GRIK1: variants seen among roughly 807,000 people sequenced by gnomAD.
GRIK1 encodes the protein glutamate receptor ionotropic, kainate 1.
A neutral mutation model predicts 105.7 loss-of-function variants in GRIK1; 69 were observed. That is an observed-to-expected ratio of 0.65 (90% CI 0.54 to 0.80). The LOEUF (loss-of-function observed/expected upper bound fraction) is 0.80. Ranked by LOEUF, GRIK1 falls within the 30% of genes least tolerant of loss-of-function variation. The pLI, the probability that GRIK1 is intolerant of heterozygous loss-of-function variation, is 0.00. For synonymous variants in GRIK1, 438 were observed against 431.3 expected, an observed-to-expected ratio of 1.02 and a Z score of -0.19; for missense variants, 1,109 against 1,167.3, an observed-to-expected ratio of 0.95 and a Z score of 0.73.
At chr21:29,670,405 TTTTTG>T (rs1234668864) in intron 4 of GRIK1, among the ~76,000 whole-genome samples, 1 of 152,216 alleles carries the variant, frequency 6.6e-6, no homozygotes, top group Non-Finnish European at 1.5e-5. Context: ...TTTGCTTTTG[TTTTTG>T]TTTTAATTGT....
At chr21:29,585,851 C>T (rs2300306) in intron 12 of GRIK1, among the ~76,000 whole-genome samples, 64,623 of 152,032 alleles carry the variant, frequency 0.43, 16,152 homozygotes, top group African/African-American at 0.68. Context: ...AAAGCAATAT[C>T]TTCTTTAATT....
At chr21:29,803,527 CT>C (rs1459813610) in intron 1 of GRIK1, among the ~76,000 whole-genome samples, 1 of 152,066 alleles carries the variant, frequency 6.6e-6, no homozygotes, top group East Asian at 1.9e-4. Context: ...GGGCTCTGAA[CT>C]TCAAAGACAA....
At chr21:29,659,453 A>T (rs1372745091) in intron 4 of GRIK1, among the ~76,000 whole-genome samples, 1 of 152,204 alleles carries the variant, frequency 6.6e-6, no homozygotes, top group Non-Finnish European at 1.5e-5. Context: ...CAAAAGACTT[A>T]AGCTCCTGCA....
At chr21:29,904,765 G>A (rs2070546553) in intron 1 of GRIK1, among the ~76,000 whole-genome samples, 1 of 152,180 alleles carries the variant, frequency 6.6e-6, no homozygotes, top group African/African-American at 2.4e-5. Context: ...AGGAAGTGTT[G>A]ACCTGAGCCA....
At chr21:29,766,114 G>C (rs1404914207) in intron 1 of GRIK1, among the ~76,000 whole-genome samples, 1 of 152,076 alleles carries the variant, frequency 6.6e-6, no homozygotes, top group Admixed American at 6.5e-5. Flanking sequence ...CTCCAAAAGT[G>C]CTGGGATTAC....
rs996162 is a variant in GRIK1 at position 29,630,772 on chromosome 21, T to G, written c.1098+12054A>C. On this transcript the variant is annotated intron_variant, in intron 7 of 17. Transcript: ENST00000327783. ...CCCTAGTTTGTGTGTGTGTGTGTGT[T>G]TTTGTTTTGTTTTGTTTTGTTTTTT... is the stretch of plus-strand genomic sequence containing the variant. 763 of 343,156 alleles carry G rather than the reference T, an allele frequency of 2.2e-3. 9 individuals carry two copies. Among genetic ancestry groups the G allele is most frequent in the African/African-American group, 0.015 (666 of 43,210 alleles). The allele number at this position is 343,156 out of a possible 1,614,324, so 21.3% of individuals were successfully genotyped here.
At chr21:29,740,792 A>C (rs953213923) in intron 1 of GRIK1, among the ~76,000 whole-genome samples, 4 of 152,230 alleles carry the variant, frequency 2.6e-5, no homozygotes, top group African/African-American at 9.6e-5. Flanking sequence ...CATGGTTACC[A>C]ATCACAGGGG....
At chr21:29,761,795 T>C (rs2065531266) in intron 1 of GRIK1, among the ~76,000 whole-genome samples, 1 of 148,584 alleles carries the variant, frequency 6.7e-6, no homozygotes, top group Non-Finnish European at 1.5e-5. Context: ...TTGCCCAGGC[T>C]GGAGTGAAAT....
rs999727224 is a variant in GRIK1, at chr21:29,844,915, C to A, written c.118+94468G>T. Among the ~76,000 whole-genome samples the A allele has an allele frequency of 2.0e-5, 3 of 152,202 alleles. No homozygotes were observed. The South Asian group carries it at 6.2e-4, about 32-fold the overall frequency. On this transcript the variant is annotated intron_variant, in intron 1 of 17. Coordinates refer to ENST00000327783, the MANE Select transcript of GRIK1 (RefSeq NM_001330994.2). ...TTTTGTTCCAGAACACTTGTCTATA[C>A]CAGAAGGGGAATTCAGGAGAGTATA...
chr21:29,879,641 T>G (rs1359845318), intron 1 of GRIK1, among the ~76,000 whole-genome samples: 2 of 152,170 alleles, frequency 1.3e-5, no homozygotes, highest in Admixed American at 1.3e-4. Flanking sequence ...TCTTTGTTAT[T>G]GCTGTTTTTT....
chr21:29,814,083 A>G (rs2067085311), intron 1 of GRIK1, among the ~76,000 whole-genome samples: 1 of 146,454 alleles, frequency 6.8e-6, no homozygotes, highest in African/African-American at 2.5e-5. Context: ...CCTGGCTAAT[A>G]TATATATATA....
At chr21:29,859,251 T>C (rs2068562387) in intron 1 of GRIK1, among the ~76,000 whole-genome samples, 1 of 151,820 alleles carries the variant, frequency 6.6e-6, no homozygotes, top group Non-Finnish European at 1.5e-5. Flanking sequence ...TTAGAAGATA[T>C]ACCTAATGTA....
intron 1 of GRIK1, among the ~76,000 whole-genome samples, chr21:29,827,908 G>C (rs1399337262): frequency 6.6e-6 from 1 of 151,922 alleles, no homozygotes; most frequent in Non-Finnish European, 1.5e-5. Context: ...TGATGGGTCA[G>C]TTAGAGGCTT....
chr21:29,693,781 G>A (rs1050884234), intron 2 of GRIK1, 115 bp downstream of exon 2: 9 of 732,950 alleles, frequency 1.2e-5, no homozygotes, highest in African/African-American at 8.8e-5. Context: ...CAGATTTCCC[G>A]CGACCCATTT....
chr21:29,919,399 T>C (rs2071115298), intron 1 of GRIK1, among the ~76,000 whole-genome samples: 1 of 152,148 alleles, frequency 6.6e-6, no homozygotes, highest in Non-Finnish European at 1.5e-5. Context: ...TTCAGATTAG[T>C]GGCTATGCAC....
chr21:29,705,943 G>A (rs865856578), intron 1 of GRIK1, among the ~76,000 whole-genome samples: 1 of 147,582 alleles, frequency 6.8e-6, no homozygotes, highest in African/African-American at 2.5e-5. Flanking sequence ...ATGCAGTCTC[G>A]GCTCGCTGCA....
intron 4 of GRIK1, among the ~76,000 whole-genome samples, chr21:29,664,231 G>A (rs1050622506): frequency 2.6e-5 from 4 of 152,160 alleles, no homozygotes; most frequent in Non-Finnish European, 4.4e-5. Flanking sequence ...AGGAATCTTG[G>A]AAATCATTGT....
chr21:29,574,920 T>G (rs1004264150), intron 14 of GRIK1, among the ~76,000 whole-genome samples: 73 of 152,006 alleles, frequency 4.8e-4, no homozygotes, highest in African/African-American at 1.7e-3. Context: ...GGTCTCGATC[T>G]CCTGACCTCG....
intron 1 of GRIK1, among the ~76,000 whole-genome samples, chr21:29,722,665 T>G (rs960636593): frequency 5.9e-5 from 9 of 152,002 alleles, no homozygotes; most frequent in African/African-American, 2.2e-4. Flanking sequence ...GTTGAAAGAT[T>G]TGAAAAATGA....
Sources: allele counts gnomAD v4.1 joint callset (sites outside exome capture counted in the v4.1 genomes callset), GRCh38; gene constraint gnomAD v4.1.1; transcripts MANE v1.5; gene names NCBI Gene and HGNC (gene_info 2026-07-23, HGNC 2026-07-21).